The following DCAKD variants were observed in gnomAD, a reference collection of about 807,000 sequenced individuals.
DCAKD encodes dephospho-CoA kinase domain containing.
In DCAKD, 15 loss-of-function variants were observed where a neutral mutation model predicts 18.7. That is an observed-to-expected ratio of 0.80 (90% CI 0.54 to 1.24). DCAKD has a LOEUF of 1.24. DCAKD is among the 50% of genes most tolerant of loss of function. The probability of loss-of-function intolerance (pLI) is 0.00; values close to 1 mark genes in which losing one functional copy is unlikely to be tolerated. For synonymous variants in DCAKD, 130 were observed against 133.0 expected (o/e 0.98, Z 0.16); for missense variants, 301 against 322.0 (o/e 0.93, Z 0.50).
At chr17:45,032,676 G>C (rs1478259763) in intron 3 of DCAKD, among the ~76,000 whole-genome samples, 1 of 152,000 alleles carries the variant, frequency 6.6e-6, no homozygotes, top group African/African-American at 2.4e-5. Context: ...CCAGCTACTC[G>C]GGAGGCTGAG....
upstream of DCAKD, among the ~76,000 whole-genome samples, chr17:45,056,567 G>C (rs561797743): frequency 4.6e-5 from 7 of 151,734 alleles, no homozygotes; most frequent in Middle Eastern, 3.4e-3. Flanking sequence ...TCCACTTCCC[G>C]GGTTCAAGCA....
chr17:45,052,674 G>A (rs1186248886), upstream of DCAKD, among the ~76,000 whole-genome samples: 1 of 149,262 alleles, frequency 6.7e-6, no homozygotes, highest in Non-Finnish European at 1.5e-5. Flanking sequence ...AAACAAGAGT[G>A]AGACTAACCC....
rs761966336 is a variant in DCAKD, at chr17:45,024,603, G to A, written c.526C>T (p.Leu176=). ...TDKARMARHV[L]DNSGEWSVTK... is the part of the protein sequence containing the mutation. ...ACACTCCACTCGCCCGAGTTGTCTA[G>A]GACATGGCGGGCCATGCGGGCCTTG... The change falls in exon 5 of 5, where the codon CTA becomes TTA. Residue 176 remains leucine (L), a synonymous_variant. Transcript: ENST00000651974. 7 of 1,614,116 alleles carry A rather than the reference G, an allele frequency of 4.3e-6. No individual in the cohort carries two copies. In the South Asian group the frequency reaches 7.7e-5, roughly 18 times the overall value.
intron 1 of DCAKD, among the ~76,000 whole-genome samples, chr17:45,043,250 T>C (rs2053480685): frequency 1.3e-5 from 2 of 150,402 alleles, no homozygotes; most frequent in African/African-American, 2.5e-5. Context: ...AGTGAGACTC[T>C]GTCTCCAAAA....
rs968974052 is a variant in DCAKD, at chr17:45,061,063, G to C, written c.-293C>G. On this transcript the variant is annotated 5_prime_UTR_variant, in exon 1 of 5. Transcript: ENST00000310604. Reference sequence around the variant, plus strand: ...GGCGGCCGCCCGGTTCCCAAGGGTCGGTCCCACCAACCTTGCGCCCCTTCT... The same window carrying C: ...GGCGGCCGCCCGGTTCCCAAGGGTCCGTCCCACCAACCTTGCGCCCCTTCT... 4 of 1,228,100 alleles carry C rather than the reference G, an allele frequency of 3.3e-6. No individual in the cohort carries two copies. In the African/African-American group the frequency reaches 6.2e-5, roughly 19 times the overall value. 76.1% of individuals were successfully genotyped at this position (1,228,100 alleles called of 1,614,324 possible).
At chr17:45,056,822 C>T (rs992599323) in intron 1 of DCAKD, among the ~76,000 whole-genome samples, 4 of 151,574 alleles carry the variant, frequency 2.6e-5, no homozygotes, top group African/African-American at 9.7e-5. Flanking sequence ...GGCTGGAGTG[C>T]GGTGGCGTGA....
intron 3 of DCAKD, chr17:45,031,652 G>A: frequency 1.0e-6 from 1 of 985,260 alleles, no homozygotes; most frequent in Non-Finnish European, 1.2e-6. Context: ...TTCCTGTTCA[G>A]CTCCCATCAC....
chr17:45,056,155 CAAAA>C (rs60557987), upstream of DCAKD, among the ~76,000 whole-genome samples: 2 of 127,980 alleles, frequency 1.6e-5, no homozygotes, highest in Non-Finnish European at 1.7e-5. Flanking sequence ...AGCTCCGTCT[CAAAA>C]AAAAAAAAAA....
chr17:45,034,551 T>C (rs983444592), intron 2 of DCAKD, among the ~76,000 whole-genome samples, 161 bp from the exon 3 acceptor site: 1 of 151,534 alleles, frequency 6.6e-6, no homozygotes, highest in African/African-American at 2.4e-5. Context: ...AAGAGCAGAG[T>C]GTACAGGATC....
At position 45,038,131 on chromosome 17, in the gene DCAKD, C is replaced by A. The variant is rs187293115; in HGVS notation, c.-114-3132G>T. ...TCTCTCTGTCCCCCAGGGTGGCGTG[C>A]AGCGGTGCAATCTGGGCCCACTGCA... On this transcript the variant is annotated intron_variant, in intron 1 of 4. Coordinates refer to ENST00000651974, the MANE Select transcript of DCAKD (RefSeq NM_001288655.2). Among the ~76,000 whole-genome samples the A allele has an allele frequency of 8.5e-4, 129 of 152,056 alleles. 3 individuals are homozygous for A. In the South Asian group the frequency reaches 0.022, roughly 26 times the overall value.
exon 1 of DCAKD, chr17:45,060,965 T>G (rs62065833): frequency 0.2 from 204,352 of 1,005,330 alleles, 21,593 homozygotes; most frequent in Admixed American, 0.23. Flanking sequence ...CAGGCTGAAA[T>G]CAAACCTCGG....
intron 3 of DCAKD, among the ~76,000 whole-genome samples, chr17:45,030,763 C>T (rs2053158224): frequency 6.6e-6 from 1 of 152,366 alleles, no homozygotes; most frequent in African/African-American, 2.4e-5. Flanking sequence ...GTTGGGGCGG[C>T]AGCAGCAGAA....
At chr17:45,047,140 A>T (rs2053588218) in intron 1 of DCAKD, among the ~76,000 whole-genome samples, 1 of 152,082 alleles carries the variant, frequency 6.6e-6, no homozygotes, top group Admixed American at 6.5e-5. Context: ...TGAAAAAAAA[A>T]AAAAGCCTTC....
At chr17:45,060,388 G>A (rs8066252) in intron 1 of DCAKD, among the ~76,000 whole-genome samples, 15,750 of 152,092 alleles carry the variant, frequency 0.1, 938 homozygotes, top group Middle Eastern at 0.18. Context: ...ATCCGGGTGT[G>A]GTGGCTCATG....
chr17:45,040,387 CA>C (rs34624870), intron 1 of DCAKD, among the ~76,000 whole-genome samples: 35,036 of 80,216 alleles, frequency 0.44, 3,943 homozygotes, highest in Non-Finnish European at 0.48. Context: ...GACTCCATCT[CA>C]AAAAAAAAAA....
In DCAKD at chr17:45,034,671, G is replaced by A. The variant is rs2053249201; in HGVS notation, c.112+103C>T. The A allele has an allele frequency of 1.9e-5, 24 of 1,266,444 alleles. No homozygotes were observed. In the South Asian group the frequency reaches 3.2e-4, roughly 17 times the overall value. The allele number at this position is 1,266,444 out of a possible 1,614,324, so 78.5% of individuals were successfully genotyped here. On this transcript the variant is annotated intron_variant, in intron 2 of 4. Transcript: ENST00000651974. ...AGAAGTCAGACCAGGGTCAACAGGAGCCTTCCCCTCCTCTGAGACTTATAA... is the reference window on the plus strand; with the variant it reads ...AGAAGTCAGACCAGGGTCAACAGGAACCTTCCCCTCCTCTGAGACTTATAA...
chr17:45,048,408 C>CGAG lies in DCAKD; in HGVS notation c.-115+2950_-115+2952dup, dbSNP rs566158101. Among the ~76,000 whole-genome samples, 252 of 151,974 alleles carry CGAG rather than the reference C, an allele frequency of 1.7e-3. 2 individuals carry two copies. Among genetic ancestry groups the CGAG allele is most frequent in the African/African-American group, 5.7e-3 (238 of 41,406 alleles). On this transcript the variant is annotated intron_variant, in intron 1 of 4. Coordinates refer to ENST00000651974, the MANE Select transcript of DCAKD (RefSeq NM_001288655.2). ...CTGTAATCCCAGCACTTTGGGAGGC[C>CGAG]GAGGGCGGATCACGAGGTCAGGAGT...
In DCAKD at chr17:45,047,798, TG is replaced by T. The variant is rs2053604530; in HGVS notation, c.-115+3562del. On this transcript the variant is annotated intron_variant, in intron 1 of 4. Coordinates refer to ENST00000651974, the MANE Select transcript of DCAKD (RefSeq NM_001288655.2). Reference sequence around the variant, plus strand: ...GTTTACAGGCGTGAGCCACCGCGTCTGGCCCCTGGCTAGTCTCAAACACCTG... The same window carrying T: ...GTTTACAGGCGTGAGCCACCGCGTCTGCCCCTGGCTAGTCTCAAACACCTG... Among the ~76,000 whole-genome samples the T allele has an allele frequency of 2.0e-5, 3 of 151,928 alleles. No individual in the cohort carries two copies. The South Asian group carries it at 6.2e-4, about 32-fold the overall frequency.
chr17:45,023,755 C>T lies in DCAKD; in HGVS notation c.*678G>A, dbSNP rs2052990082. The T allele has an allele frequency of 6.6e-6, 1 of 152,468 alleles. No homozygotes were observed. Among genetic ancestry groups the T allele is most frequent in the Non-Finnish European group, 1.5e-5 (1 of 68,218 alleles). The allele number at this position is 152,468 out of a possible 1,614,324, so 9.4% of individuals were successfully genotyped here. A position where few individuals can be genotyped will look rare whatever the true frequency, so the allele number is the denominator to read the frequency against. On this transcript the variant is annotated 3_prime_UTR_variant, in exon 5 of 5. Coordinates refer to ENST00000651974, the MANE Select transcript of DCAKD (RefSeq NM_001288655.2). ...AGGTCCAGGCGAGAAGCAGGGGTGG[C>T]AGGCAATAAGCAGGATGTGGGAGCA... is the stretch of plus-strand genomic sequence containing the variant.
Sources: allele counts gnomAD v4.1 joint callset (sites outside exome capture counted in the v4.1 genomes callset), GRCh38; gene constraint gnomAD v4.1.1; transcripts MANE v1.5; gene names NCBI Gene and HGNC (gene_info 2026-07-23, HGNC 2026-07-21).